Variants in ZFYVE9 observed in about 807,000 individuals in gnomAD.
The protein encoded by ZFYVE9 is zinc finger FYVE-type containing 9.
In ZFYVE9, 43 loss-of-function variants were observed where a neutral mutation model predicts 126.7. The ratio of observed to expected loss-of-function variants is 0.34; its 90% CI spans 0.27 to 0.44. The LOEUF (loss-of-function observed/expected upper bound fraction) is 0.44. Ranked by LOEUF, ZFYVE9 falls within the 20% of genes least tolerant of loss-of-function variation. The pLI is 1.00. For synonymous variants in ZFYVE9, 521 were observed against 597.4 expected, an observed-to-expected ratio of 0.87 and a Z score of 1.87; for missense variants, 1,476 against 1,697.0, an observed-to-expected ratio of 0.87 and a Z score of 2.29.
At chr1:52,250,646 GT>G (rs1645435059) in intron 4 of ZFYVE9, among the ~76,000 whole-genome samples, 1 of 150,770 alleles carries the variant, frequency 6.6e-6, no homozygotes, top group African/African-American at 2.4e-5. Context: ...CCAATACTAT[GT>G]TAAATAGATA....
At chr1:52,245,395 T>TGTG (rs895245753) in intron 4 of ZFYVE9, among the ~76,000 whole-genome samples, 11 of 151,954 alleles carry the variant, frequency 7.2e-5, no homozygotes, top group East Asian at 1.9e-4. Flanking sequence ...GCAGATAGAT[T>TGTG]GTGGTGGTGG....
intron 1 of ZFYVE9, among the ~76,000 whole-genome samples, chr1:52,175,643 A>G (rs919140425): frequency 1.8e-4 from 27 of 152,058 alleles, no homozygotes; most frequent in Admixed American, 1.4e-3. Flanking sequence ...CAGGTACACC[A>G]TTCAGATGTA....
intron 13 of ZFYVE9, among the ~76,000 whole-genome samples, chr1:52,316,193 AAAG>A (rs1446900369): frequency 6.3e-5 from 9 of 142,030 alleles, no homozygotes; most frequent in Non-Finnish European, 9.4e-5. Context: ...AAAAAAAAGA[AAAG>A]AAACCACAGC....
At chr1:52,281,846 C>T (rs1450028077) in intron 10 of ZFYVE9, 30 bp downstream of exon 10, 6 of 1,607,944 alleles carry the variant, frequency 3.7e-6, no homozygotes, top group South Asian at 2.2e-5. Context: ...TAGTCTGCTC[C>T]CTTTGTAGAT....
chr1:52,258,924 T>C (rs1039389829), intron 4 of ZFYVE9, among the ~76,000 whole-genome samples: 5 of 152,148 alleles, frequency 3.3e-5, no homozygotes, highest in South Asian at 2.1e-4. Flanking sequence ...CTTTGTTTTT[T>C]ATTCAAAAAT....
At chr1:52,180,970 C>T (rs1378146516) in intron 1 of ZFYVE9, among the ~76,000 whole-genome samples, 12 of 131,136 alleles carry the variant, frequency 9.2e-5, no homozygotes, top group South Asian at 2.4e-4. Flanking sequence ...AGCAAAACTC[C>T]GTCTCAAAAA....
At chr1:52,188,495 T>A (rs941570755) in intron 1 of ZFYVE9, among the ~76,000 whole-genome samples, 12 of 152,216 alleles carry the variant, frequency 7.9e-5, no homozygotes, top group African/African-American at 2.7e-4. Context: ...AAAAAATTTT[T>A]AAAATAAAAT....
chr1:52,314,419 C>T (rs997984782), intron 13 of ZFYVE9, among the ~76,000 whole-genome samples: 1 of 152,212 alleles, frequency 6.6e-6, no homozygotes, highest in Non-Finnish European at 1.5e-5. Context: ...CAGTGACTCA[C>T]ACCCATAATC....
At chr1:52,182,215 C>G (rs942630331) in intron 1 of ZFYVE9, among the ~76,000 whole-genome samples, 1 of 151,710 alleles carries the variant, frequency 6.6e-6, no homozygotes, top group African/African-American at 2.4e-5. Flanking sequence ...AGTGAGGAGC[C>G]CCTCTGCCCG....
chr1:52,271,543 T>C (rs576295194), intron 7 of ZFYVE9, among the ~76,000 whole-genome samples: 1 of 152,226 alleles, frequency 6.6e-6, no homozygotes, highest in East Asian at 1.9e-4. Context: ...CATCTAGATT[T>C]TAAGCCCCAC....
chr1:52,257,161 T>C (rs141214998), intron 4 of ZFYVE9, among the ~76,000 whole-genome samples: 5 of 152,282 alleles, frequency 3.3e-5, no homozygotes, highest in Middle Eastern at 6.8e-3. Context: ...GTGGAAAGCC[T>C]GTAGTGGGAA....
Position 52,293,413 on chromosome 1 carries a change from T to G in ZFYVE9, c.3026-40T>G, listed in dbSNP as rs771389292. 4 of 1,425,864 alleles carry G rather than the reference T, an allele frequency of 2.8e-6. No individual in the cohort carries two copies. The East Asian group carries it at 7.0e-5, about 25-fold the overall frequency. 88.3% of individuals were successfully genotyped at this position (1,425,864 alleles called of 1,614,324 possible). On this transcript the variant is annotated intron_variant, in intron 10 of 18. Coordinates refer to ENST00000287727, the MANE Select transcript of ZFYVE9 (RefSeq NM_004799.4). Reference sequence around the variant, plus strand: ...AAAAAAAAAAAGAAATATGATTAATTTATTGATACAAAGTAGCTAATAAAC... The same window carrying G: ...AAAAAAAAAAAGAAATATGATTAATGTATTGATACAAAGTAGCTAATAAAC...
intron 1 of ZFYVE9, chr1:52,160,491 C>A (rs1572063590): frequency 5.0e-6 from 4 of 797,626 alleles, no homozygotes; most frequent in Non-Finnish European, 9.2e-6. Flanking sequence ...GCAGTTTCTT[C>A]ACCTGAAGCG....
At chr1:52,278,240 C>G (rs975460043) in intron 8 of ZFYVE9, among the ~76,000 whole-genome samples, 1 of 151,998 alleles carries the variant, frequency 6.6e-6, no homozygotes, top group Non-Finnish European at 1.5e-5. Context: ...GTGGCACAAA[C>G]CACTGTGGGG....
intron 1 of ZFYVE9, among the ~76,000 whole-genome samples, chr1:52,187,795 A>G (rs371711722): frequency 1.3e-5 from 2 of 152,226 alleles, no homozygotes; most frequent in African/African-American, 2.4e-5. Context: ...TAAAAAGTCA[A>G]TTAATAACAG....
rs1039892238 is a variant in ZFYVE9 at position 52,188,316 on chromosome 1, G to A, written c.-142-28053G>A. Among the ~76,000 whole-genome samples the A allele has an allele frequency of 2.0e-5, 3 of 152,142 alleles. No individual in the cohort carries two copies. In the South Asian group the frequency reaches 6.2e-4, roughly 32 times the overall value. ...CAAAGAGGGGAACAACGGACACTGG[G>A]TCCTACTGGAGGGTGGAGGCTGGGA... On this transcript the variant is annotated intron_variant, in intron 1 of 18. Transcript: ENST00000287727.
Position 52,303,809 on chromosome 1 carries a change from G to C in ZFYVE9, c.3334-12G>C. 1 of 1,532,054 alleles carries C rather than the reference G, an allele frequency of 6.5e-7. No homozygotes were observed. Among genetic ancestry groups the C allele is most frequent in the South Asian group, 1.3e-5 (1 of 75,812 alleles). 94.9% of individuals were successfully genotyped at this position (1,532,054 alleles called of 1,614,324 possible). A position where few individuals can be genotyped will look rare whatever the true frequency, so the allele number is the denominator to read the frequency against. ...GAATTAATTTATTCTGCTTCAATCT[G>C]CTTTGGCCCAGGACTTCAGAAATTA... On this transcript the variant is annotated splice_polypyrimidine_tract_variant and intron_variant, in intron 12 of 18. Transcript: ENST00000287727.
intron 1 of ZFYVE9, among the ~76,000 whole-genome samples, chr1:52,199,363 A>G (rs187775541): frequency 2.0e-4 from 30 of 152,300 alleles, no homozygotes; most frequent in African/African-American, 7.0e-4. Context: ...GTACCTGGCC[A>G]ATCACGGATC....
At chr1:52,319,016 G>A (rs1421302283) in intron 13 of ZFYVE9, among the ~76,000 whole-genome samples, 1 of 152,174 alleles carries the variant, frequency 6.6e-6, no homozygotes, top group East Asian at 1.9e-4. Context: ...AGGATCACTT[G>A]AGCCTAGGAG....
Sources: gnomAD v4.1 joint callset for allele counts (sites outside exome capture counted in the v4.1 genomes callset) on GRCh38, gnomAD v4.1.1 for gene constraint, MANE v1.5 for transcripts, NCBI Gene and HGNC (gene_info 2026-07-23, HGNC 2026-07-21) for gene names.